The following AGBL1 variants were observed in gnomAD, a reference collection of about 807,000 sequenced individuals.
The protein encoded by AGBL1 is cytosolic carboxypeptidase 4.
A neutral mutation model predicts 118.9 loss-of-function variants in AGBL1; 130 were observed. The ratio of observed to expected loss-of-function variants is 1.09; its 90% confidence interval spans 0.95 to 1.26. The LOEUF (loss-of-function observed/expected upper bound fraction) is 1.26. Among genes scored for constraint, AGBL1 ranks in the 50% most tolerant of loss-of-function variants. The probability of loss-of-function intolerance (pLI) is 0.00; values close to 1 mark genes in which losing one functional copy is unlikely to be tolerated. For missense variants in AGBL1, 1,584 were observed against 1,298.1 expected, an observed-to-expected ratio of 1.22 and a Z score of -3.38; for synonymous variants, 555 against 478.9, an observed-to-expected ratio of 1.16 and a Z score of -2.08.
intron 18 of AGBL1, among the ~76,000 whole-genome samples, chr15:86,431,842 C>T (rs995736686): frequency 2.0e-5 from 3 of 152,158 alleles, no homozygotes; most frequent in Admixed American, 6.5e-5. Flanking sequence ...TTGAGACTCC[C>T]GGTTGCTGTG....
chr15:86,441,323 T>C (rs961554577), intron 18 of AGBL1, among the ~76,000 whole-genome samples: 4 of 152,230 alleles, frequency 2.6e-5, no homozygotes, highest in African/African-American at 9.6e-5. Context: ...CCTAGTGTTT[T>C]TCCTTTGGAA....
At chr15:86,961,006 T>C (rs2080987409) in intron 23 of AGBL1, among the ~76,000 whole-genome samples, 1 of 152,050 alleles carries the variant, frequency 6.6e-6, no homozygotes, top group African/African-American at 2.4e-5. Context: ...TCTAGAGACT[T>C]AATGTAAAGC....
At chr15:86,394,016 T>C (rs1489265878) in intron 17 of AGBL1, among the ~76,000 whole-genome samples, 1 of 152,164 alleles carries the variant, frequency 6.6e-6, no homozygotes. Flanking sequence ...TAATCATAGA[T>C]TTCTTGGTCT....
intron 19 of AGBL1, among the ~76,000 whole-genome samples, chr15:86,539,549 A>G (rs574417204): frequency 1.3e-5 from 2 of 152,224 alleles, no homozygotes; most frequent in Admixed American, 1.3e-4. Flanking sequence ...AAATGTCTCA[A>G]CATTCTAGAA....
intron 21 of AGBL1, among the ~76,000 whole-genome samples, chr15:86,634,702 A>G (rs2085048173): frequency 6.6e-6 from 1 of 152,190 alleles, no homozygotes; most frequent in Non-Finnish European, 1.5e-5. Context: ...ATTTTATAAT[A>G]TGTAAATTAT....
intron 21 of AGBL1, among the ~76,000 whole-genome samples, chr15:86,557,709 C>T (rs1290643251): frequency 2.6e-5 from 4 of 152,110 alleles, no homozygotes; most frequent in African/African-American, 9.7e-5. Context: ...ACCTCATCAT[C>T]GTGGTGAGTA....
At position 86,264,267 on chromosome 15, in the gene AGBL1, T is replaced by C; in HGVS notation, c.1096T>C (p.Ser366Pro). The change falls in exon 11 of 23, where the codon TCC becomes CCC. Residue 366 changes from serine to proline, a missense_variant. Transcript: ENST00000614907. ...CATTTTGAACCTGAAGGAACTGCAG[T>C]CCAAACTTGGAGATGATTTGAACTC... The part of the protein sequence containing the change: ...ELSYSFEELQ[S>P]KLGDDLNSEK... The C allele has an allele frequency of 6.3e-7, 1 of 1,594,362 alleles. No individual in the cohort carries two copies. The highest frequency in any genetic ancestry group is 8.5e-7 in the Non-Finnish European group (1 of 1,170,486).
At chr15:86,778,887 C>T (rs1162793888) in intron 22 of AGBL1, among the ~76,000 whole-genome samples, 1 of 152,080 alleles carries the variant, frequency 6.6e-6, no homozygotes, top group Non-Finnish European at 1.5e-5. Context: ...GAAATCTTCA[C>T]AATTTATGTT....
intron 22 of AGBL1, among the ~76,000 whole-genome samples, chr15:86,791,913 G>T (rs955238221): frequency 7.2e-5 from 11 of 151,796 alleles, no homozygotes; most frequent in Admixed American, 7.2e-4. Context: ...ATTTTTTATT[G>T]TTAGTAGAGA....
chr15:86,732,657 C>T (rs1242239373), intron 22 of AGBL1, among the ~76,000 whole-genome samples: 1 of 152,076 alleles, frequency 6.6e-6, no homozygotes, highest in East Asian at 1.9e-4. Flanking sequence ...ATATAGTATT[C>T]ACTATACAGA....
intron 19 of AGBL1, among the ~76,000 whole-genome samples, chr15:86,523,986 C>G (rs1027964880): frequency 2.0e-5 from 3 of 152,196 alleles, no homozygotes; most frequent in African/African-American, 7.2e-5. Context: ...AGTGAAGAAG[C>G]TCACATACGG....
At chr15:86,288,421 T>G (rs979758127) in intron 16 of AGBL1, among the ~76,000 whole-genome samples, 27 of 152,162 alleles carry the variant, frequency 1.8e-4, no homozygotes, top group Non-Finnish European at 8.8e-5. Context: ...GGGCTTTAGT[T>G]AATAATTTAA....
intron 17 of AGBL1, among the ~76,000 whole-genome samples, chr15:86,298,736 A>G (rs1268619974): frequency 6.6e-6 from 1 of 152,076 alleles, no homozygotes; most frequent in Non-Finnish European, 1.5e-5. Context: ...ACCCCTCATA[A>G]GGAGGCATGA....
At chr15:86,257,886 C>T in intron 8 of AGBL1, 78 bp from the exon 9 acceptor site, 1 of 1,406,162 alleles carries the variant, frequency 7.1e-7, no homozygotes. Flanking sequence ...GAAAGAACCA[C>T]TGTATGGTGA....
At chr15:86,182,292 T>C (rs1185639359) in intron 5 of AGBL1, among the ~76,000 whole-genome samples, 1 of 152,050 alleles carries the variant, frequency 6.6e-6, no homozygotes, top group Non-Finnish European at 1.5e-5. Flanking sequence ...CCTCTCTTCT[T>C]CCCTTTCTCT....
At chr15:86,948,116 C>T (rs1299716489) in intron 23 of AGBL1, among the ~76,000 whole-genome samples, 2 of 151,966 alleles carry the variant, frequency 1.3e-5, no homozygotes, top group Non-Finnish European at 2.9e-5. Flanking sequence ...ACCAAGAGCC[C>T]CATGAGTTAG....
At chr15:86,804,444 CTG>C in intron 22 of AGBL1, among the ~76,000 whole-genome samples, 1 of 152,258 alleles carries the variant, frequency 6.6e-6, no homozygotes. Flanking sequence ...AGCTGGTTCT[CTG>C]TTTCAAGCCA....
intron 11 of AGBL1, 101 bp from the exon 12 acceptor site, chr15:86,266,273 A>T: frequency 1.3e-6 from 1 of 743,624 alleles, no homozygotes; most frequent in Non-Finnish European, 2.1e-6. Flanking sequence ...GTGCTTTCAT[A>T]TTTTTCTGGT....
intron 21 of AGBL1, among the ~76,000 whole-genome samples, chr15:86,649,038 T>G (rs1039383138): frequency 6.6e-6 from 1 of 152,110 alleles, no homozygotes; most frequent in African/African-American, 2.4e-5. Context: ...GATACCATGT[T>G]TGAATGCTGA....
Sources: gnomAD v4.1 joint callset for allele counts (sites outside exome capture counted in the v4.1 genomes callset) on GRCh38, gnomAD v4.1.1 for gene constraint, MANE v1.5 for transcripts, NCBI Gene and HGNC (gene_info 2026-07-23, HGNC 2026-07-21) for gene names.